ARHGAP31: variants seen among roughly 807,000 people sequenced by gnomAD.
ARHGAP31 encodes Rho GTPase activating protein 31, also known as rho GTPase-activating protein 31.
Under a neutral mutation model 113.9 loss-of-function variants are expected in ARHGAP31, and 34 were observed. The ratio of observed to expected loss-of-function variants is 0.30; its 90% CI spans 0.23 to 0.40. The LOEUF (loss-of-function observed/expected upper bound fraction) is 0.40, where lower values mean the gene tolerates loss of function less well. Ranked by LOEUF, ARHGAP31 falls within the 10% of genes least tolerant of loss-of-function variation. ARHGAP31 has a pLI of 1.00. For synonymous variants in ARHGAP31, 650 were observed against 684.8 expected, an observed-to-expected ratio of 0.95 and a Z score of 0.79; for missense variants, 1,548 against 1,767.1, an observed-to-expected ratio of 0.88 and a Z score of 2.22.
At chr3:119,361,374 CT>C (rs555396093) in intron 1 of ARHGAP31, among the ~76,000 whole-genome samples, 423 of 132,318 alleles carry the variant, frequency 3.2e-3, no homozygotes, top group Admixed American at 4.7e-3. Flanking sequence ...TTCAACATTC[CT>C]TTTTTTTTTT....
chr3:119,398,571 A>T (rs1421620553), intron 8 of ARHGAP31, among the ~76,000 whole-genome samples: 1 of 152,242 alleles, frequency 6.6e-6, no homozygotes, highest in East Asian at 1.9e-4. Context: ...ACACTCTTCC[A>T]AAAAGCTGCT....
At chr3:119,301,609 C>G (rs1442061572) in intron 1 of ARHGAP31, among the ~76,000 whole-genome samples, 2 of 151,814 alleles carry the variant, frequency 1.3e-5, no homozygotes, top group East Asian at 3.9e-4. Flanking sequence ...GTTGATTGAT[C>G]ACTGCTTCAA....
At chr3:119,413,828 A>C (rs770904567) in intron 11 of ARHGAP31, 28 bp from the exon 12 acceptor site, 42 of 1,614,090 alleles carry the variant, frequency 2.6e-5, no homozygotes, top group Non-Finnish European at 3.2e-5. Flanking sequence ...CTTAGTTCTA[A>C]GACAATCAGT....
At chr3:119,384,907 G>A (rs886559064) in intron 6 of ARHGAP31, among the ~76,000 whole-genome samples, 4 of 150,598 alleles carry the variant, frequency 2.7e-5, no homozygotes, top group African/African-American at 9.7e-5. Flanking sequence ...ATGGAATCAT[G>A]CCATATATGG....
chr3:119,351,861 C>T (rs1243525045), intron 1 of ARHGAP31, among the ~76,000 whole-genome samples: 1 of 152,194 alleles, frequency 6.6e-6, no homozygotes, highest in East Asian at 1.9e-4. Context: ...GGCAAGAAAG[C>T]TGCTCATCCA....
intron 10 of ARHGAP31, among the ~76,000 whole-genome samples, chr3:119,406,782 G>C (rs2080666866): frequency 6.6e-6 from 1 of 152,196 alleles, no homozygotes; most frequent in African/African-American, 2.4e-5. Flanking sequence ...ATACAAGCCA[G>C]GAATCAGTGG....
rs945228415 is a variant in ARHGAP31 at position 119,416,159 on chromosome 3, C to T, written c.4230C>T (p.Thr1410=). 1.2e-6 allele frequency: 2 copies of T among 1,614,182 alleles called. No individual in the cohort carries two copies. The highest frequency in any genetic ancestry group is 1.7e-6 in the Non-Finnish European group (2 of 1,180,030). ...PEGVTLRNKM[T]IPKNGQRLET... is the part of the protein sequence containing the mutation. ...GGGTTACACTTAGGAATAAAATGAC[C>T]ATCCCTAAGAATGGCCAGAGACTAG... The change falls in exon 12 of 12, where the codon ACC becomes ACT. Residue 1410 remains threonine (T), a synonymous_variant. Coordinates refer to ENST00000264245, the MANE Select transcript of ARHGAP31 (RefSeq NM_020754.4).
chr3:119,299,671 G>A (rs917581980), intron 1 of ARHGAP31, among the ~76,000 whole-genome samples: 7 of 152,058 alleles, frequency 4.6e-5, no homozygotes, highest in African/African-American at 1.7e-4. Context: ...AAAAAAGATG[G>A]GCTGCAAGCT....
At chr3:119,409,424 A>G in intron 10 of ARHGAP31, 72 bp from the exon 11 acceptor site, 3 of 1,568,634 alleles carry the variant, frequency 1.9e-6, no homozygotes, top group Non-Finnish European at 1.7e-6. Context: ...GAGACAGGAC[A>G]GTGACTGTGT....
Position 119,402,082 on chromosome 3 carries a change from G to A in ARHGAP31, c.1330G>A (p.Glu444Lys). ...CCGGCCTGTTGAGGATCCGGAGAGCGAGCAAACAGCCCCAAAGATGTTGGG... is the reference window on the plus strand; with the variant it reads ...CCGGCCTGTTGAGGATCCGGAGAGCAAGCAAACAGCCCCAAAGATGTTGGG... Reference protein sequence around the residue: ...VFRPVEDPESEQTAPKMLGMF... With the variant: ...VFRPVEDPESKQTAPKMLGMF... Residue 444 changes from glutamate to lysine, a missense_variant, in exon 10 of 12, where the codon GAG (glutamate) becomes AAG (lysine). Coordinates refer to ENST00000264245, the MANE Select transcript of ARHGAP31 (RefSeq NM_020754.4). The A allele has an allele frequency of 6.2e-7, 1 of 1,614,196 alleles. No individual in the cohort carries two copies. Among genetic ancestry groups the A allele is most frequent in the Admixed American group, 1.7e-5 (1 of 60,024 alleles).
At chr3:119,307,956 A>AAAAAAAAAAAAAAAAAAAAAAAT (rs1203007573) in intron 1 of ARHGAP31, among the ~76,000 whole-genome samples, 1 of 149,716 alleles carries the variant, frequency 6.7e-6, no homozygotes. Flanking sequence ...AAAAAAAAAA[A>AAAAAAAAAAAAAAAAAAAAAAAT]AAAAGCTCAA....
intron 1 of ARHGAP31, among the ~76,000 whole-genome samples, chr3:119,302,733 AAGGCCATGGTCTC>A (rs1197193136): frequency 6.6e-6 from 1 of 152,252 alleles, no homozygotes; most frequent in African/African-American, 2.4e-5. Context: ...TATGACTCCT[AAGGCCATGGTCTC>A]AGGCATGAAC....
In ARHGAP31 at chr3:119,365,233, C is replaced by T. The variant is rs2080243458; in HGVS notation, c.101-83C>T. The T allele has an allele frequency of 7.9e-5, 91 of 1,150,832 alleles. No individual in the cohort carries two copies. In the South Asian group the frequency reaches 1.1e-3, roughly 14 times the overall value. 71.3% of individuals were successfully genotyped at this position (1,150,832 alleles called of 1,614,324 possible). A position where few individuals can be genotyped will look rare whatever the true frequency, so the allele number is the denominator to read the frequency against. On this transcript the variant is annotated intron_variant, in intron 1 of 11. Transcript: ENST00000264245. The stretch of plus-strand genomic sequence containing the variant: ...CCATACTTACATCTCTTTGAAGGTA[C>T]CTGGATTTTTAAAAGGATATCTTTA...
chr3:119,387,670 T>A (rs1349434298), intron 6 of ARHGAP31, among the ~76,000 whole-genome samples: 1 of 152,206 alleles, frequency 6.6e-6, no homozygotes, highest in African/African-American at 2.4e-5. Context: ...GAGATTGTGA[T>A]ATCTCTAATA....
chr3:119,317,783 T>C (rs1324696513), intron 1 of ARHGAP31, among the ~76,000 whole-genome samples: 3 of 152,130 alleles, frequency 2.0e-5, no homozygotes, highest in Non-Finnish European at 2.9e-5. Flanking sequence ...TCTGAAGTAG[T>C]TGACTAAGTG....
At chr3:119,311,974 G>C (rs1209182958) in intron 1 of ARHGAP31, among the ~76,000 whole-genome samples, 1 of 152,206 alleles carries the variant, frequency 6.6e-6, no homozygotes, top group Non-Finnish European at 1.5e-5. Context: ...AAACAGTACA[G>C]CAGGATCAAC....
At chr3:119,368,161 T>G (rs1262555824) in intron 2 of ARHGAP31, among the ~76,000 whole-genome samples, 3 of 152,200 alleles carry the variant, frequency 2.0e-5, no homozygotes, top group Non-Finnish European at 4.4e-5. Context: ...GTCCTTCTAA[T>G]CACAGCAGAT....
chr3:119,306,785 C>T (rs1455640750), intron 1 of ARHGAP31, among the ~76,000 whole-genome samples: 1 of 152,102 alleles, frequency 6.6e-6, no homozygotes, highest in Non-Finnish European at 1.5e-5. Flanking sequence ...ATATCCTTGG[C>T]CTACTGATCT....
chr3:119,354,239 GAAAGGACTTCAGC>G (rs2080136488), intron 1 of ARHGAP31, among the ~76,000 whole-genome samples: 1 of 152,168 alleles, frequency 6.6e-6, no homozygotes, highest in African/African-American at 2.4e-5. Flanking sequence ...AGGGTCACTG[GAAAGGACTTCAGC>G]AAACATTTAG....
Sources: allele counts gnomAD v4.1 joint callset (sites outside exome capture counted in the v4.1 genomes callset), GRCh38; gene constraint gnomAD v4.1.1; transcripts MANE v1.5; gene names NCBI Gene and HGNC (gene_info 2026-07-23, HGNC 2026-07-21).